Variants in COMP observed in about 807,000 individuals in gnomAD.
COMP encodes the protein cartilage oligomeric matrix protein (pseudoachondroplasia, epiphyseal dysplasia 1, multiple).
COMP carries 79 observed loss-of-function variants against 95.8 expected under a neutral mutation model. The observed-to-expected ratio is 0.82, with a 90% CI of 0.69 to 0.99. The LOEUF (loss-of-function observed/expected upper bound fraction) is 0.99. COMP is among the 50% of genes least tolerant of loss of function. COMP has a pLI of 0.00. For synonymous variants in COMP, 438 were observed against 433.9 expected, an observed-to-expected ratio of 1.01 and a Z score of -0.12; for missense variants, 906 against 1,076.1, an observed-to-expected ratio of 0.84 and a Z score of 2.21.
Position 18,789,619 on chromosome 19 carries a change from G to T in COMP, c.391-322C>A, listed in dbSNP as rs1229395848. 6.6e-6 allele frequency among the ~76,000 whole-genome samples: 1 copy of T among 151,868 alleles called. No individual in the cohort carries two copies. The highest frequency in any genetic ancestry group is 1.5e-5 in the Non-Finnish European group (1 of 67,954). On this transcript the variant is annotated intron_variant, in intron 4 of 18. Coordinates refer to ENST00000222271, the MANE Select transcript of COMP (RefSeq NM_000095.3). The surrounding 1 kb of genome is among the most constrained non-coding windows in gnomAD (Gnocchi z 6.1). ...GGGTCTGGGCGTGCGTTCCCTGGCT[G>T]TGGAAGGGTCGTTGGGACTGGCGAT...
intron 10 of COMP, chr19:18,786,882 C>T (rs958720764): frequency 4.5e-6 from 2 of 443,516 alleles, no homozygotes; most frequent in South Asian, 2.2e-5. Flanking sequence ...AAATGATTCT[C>T]CTGCCTCAGC....
chr19:18,791,036 C>T (rs1254368496), intron 1 of COMP, 101 bp from the exon 2 acceptor site: 5 of 1,512,518 alleles, frequency 3.3e-6, no homozygotes, highest in Non-Finnish European at 4.5e-6. Context: ...CCCCACTGCG[C>T]TCCTCTAGTC....
Position 18,788,916 on chromosome 19 carries a change from AGGGGAGGGGAACTCAGAGGTCACC to A in COMP, c.529-27_529-4del. The A allele has an allele frequency of 6.2e-7, 1 of 1,613,224 alleles. No homozygotes were observed. The highest frequency in any genetic ancestry group is 8.5e-7 in the Non-Finnish European group (1 of 1,179,830). On this transcript the variant is annotated splice_polypyrimidine_tract_variant and splice_region_variant and intron_variant, in intron 5 of 18. Transcript: ENST00000222271. The surrounding 1 kb of genome is among the most constrained non-coding windows in gnomAD (Gnocchi z 4.7). ...CACTCGTTGATGTCCGTGCAAACCT[AGGGGAGGGGAACTCAGAGGTCACC>A]ACCCCACGCAGACACCTCCGGACCT...
chr19:18,787,870 CTTTCTT>C (rs1486588297), intron 9 of COMP, among the ~76,000 whole-genome samples: 5 of 53,010 alleles, frequency 9.4e-5, no homozygotes, highest in South Asian at 5.4e-4. Context: ...TTTTCTCTTT[CTTTCTT>C]TCTTTCTTTC....
rs769531188 is a variant in COMP at position 18,788,529 on chromosome 19, A to G, written c.763-15T>C. 12 of 1,582,762 alleles carry G rather than the reference A, an allele frequency of 7.6e-6. No individual in the cohort carries two copies. The African/African-American group carries it at 1.2e-4, about 16-fold the overall frequency. On this transcript the variant is annotated splice_polypyrimidine_tract_variant and intron_variant, in intron 7 of 18. Transcript: ENST00000222271. This position sits in a 1 kb window ranked among gnomAD's most constrained non-coding sequence, Gnocchi z 4.7. ...CCAACGGCACACTGTGGGAGAGTGT[A>G]AGTGGGTGCCCTGGAGTGGCCGCCA...
chr19:18,783,926 T>A (rs1263909752), intron 17 of COMP, among the ~76,000 whole-genome samples: 3 of 152,148 alleles, frequency 2.0e-5, no homozygotes, highest in Admixed American at 2.0e-4. Context: ...TTTTCTTTTT[T>A]GTAGAGACAG....
In COMP at chr19:18,786,641, T is replaced by C. The variant is rs1302153078; in HGVS notation, c.1145A>G (p.Asn382Ser). 17 of 1,613,716 alleles carry C rather than the reference T, an allele frequency of 1.1e-5. No individual in the cohort carries two copies. Among genetic ancestry groups the C allele is most frequent in the African/African-American group, 2.7e-5 (2 of 74,882 alleles). Residue 382 changes from asparagine (N) to serine (S), a missense_variant, in exon 11 of 19, where the codon AAC becomes AGC. Asn to Ser is a conservative substitution (Grantham distance 46, BLOSUM62 1). Coordinates refer to ENST00000222271, the MANE Select transcript of COMP (RefSeq NM_000095.3). ...TACCCTAGGGCAGTTGTCGGCCTGG[T>C]TGCGGATCCCTGCAGAAATCCACGG... is the stretch of plus-strand genomic sequence containing the variant. ...DDDIDGDRIR[N>S]QADNCPRVPN...
chr19:18,785,173 C>A (rs2055155846), intron 15 of COMP, 81 bp from the exon 16 acceptor site: 1 of 1,359,280 alleles, frequency 7.4e-7, no homozygotes, highest in South Asian at 1.2e-5. Context: ...CCAAACCTGC[C>A]CCCTGGGTCC....
At position 18,788,955 on chromosome 19, in the gene COMP, C is replaced by A; in HGVS notation, c.529-42G>T. On this transcript the variant is annotated intron_variant, in intron 5 of 18. Coordinates refer to ENST00000222271, the MANE Select transcript of COMP (RefSeq NM_000095.3). This position sits in a 1 kb window ranked among gnomAD's most constrained non-coding sequence, Gnocchi z 4.7. ...CAGAGGTCACCACCCCACGCAGACA[C>A]CTCCGGACCTCCCACCTCCTCCACA... The A allele has an allele frequency of 2.5e-6, 4 of 1,599,914 alleles. No homozygotes were observed. The highest frequency in any genetic ancestry group is 2.2e-5 in the East Asian group (1 of 44,732).
At chr19:18,787,281 C>T (rs2055174164) in intron 10 of COMP, among the ~76,000 whole-genome samples, 2 of 152,238 alleles carry the variant, frequency 1.3e-5, no homozygotes, top group African/African-American at 4.8e-5. Flanking sequence ...ACACAGGGAC[C>T]ACCTTCCCTT....
Position 18,787,594 on chromosome 19 carries a change from C to T in COMP, c.1032G>A (p.Trp344Ter), listed in dbSNP as rs1186145382. Reference protein sequence around the residue: ...PDQRNTDEDKWGDACDNCRSQ... With the variant: ...PDQRNTDEDK ...ACCGGCAGTTGTCGCACGCATCGCCCCACTTGTCCTCGTCCGTGTTGCGCT... is the reference window on the plus strand; with the variant it reads ...ACCGGCAGTTGTCGCACGCATCGCCTCACTTGTCCTCGTCCGTGTTGCGCT... Residue 344 changes from tryptophan (W) to a stop codon, truncating the protein, a stop_gained, in exon 10 of 19, where the codon TGG becomes TGA. Transcript: ENST00000222271. LOFTEE classifies it high-confidence loss of function. 2.5e-5 allele frequency: 40 copies of T among 1,614,008 alleles called. No individual in the cohort carries two copies. Among genetic ancestry groups the T allele is most frequent in the Non-Finnish European group, 3.3e-5 (39 of 1,180,054 alleles).
rs1021089712 is a variant in COMP at position 18,789,789 on chromosome 19, C to T, written c.390+153G>A. The stretch of plus-strand genomic sequence containing the variant: ...ATGGTCCTTGGGTTGGGCGTCCCCC[C>T]GCGGTAAGGAGGTAGTCTGGCCGTG... On this transcript the variant is annotated intron_variant, in intron 4 of 18. Coordinates refer to ENST00000222271, the MANE Select transcript of COMP (RefSeq NM_000095.3). The surrounding 1 kb of genome is among the most constrained non-coding windows in gnomAD (Gnocchi z 6.1). Among the ~76,000 whole-genome samples, 1 of 151,832 alleles carries T rather than the reference C, an allele frequency of 6.6e-6. No homozygotes were observed. The highest frequency in any genetic ancestry group is 6.6e-5 in the Admixed American group (1 of 15,248).
chr19:18,785,895 C>T, intron 13 of COMP, 44 bp from the exon 14 acceptor site: 1 of 1,606,350 alleles, frequency 6.2e-7, no homozygotes, highest in Non-Finnish European at 8.5e-7. Context: ...TCAGGGCCCG[C>T]CCACCGTAGA....
Position 18,784,151 on chromosome 19 carries a change from T to C in COMP, c.2087+40A>G. 1 of 1,608,852 alleles carries C rather than the reference T, an allele frequency of 6.2e-7. No homozygotes were observed. Among genetic ancestry groups the C allele is most frequent in the Non-Finnish European group, 8.5e-7 (1 of 1,176,928 alleles). On this transcript the variant is annotated intron_variant, in intron 17 of 18. Transcript: ENST00000222271. This position sits in a 1 kb window ranked among gnomAD's most constrained non-coding sequence, Gnocchi z 4.9. ...CAGGGCACTCCCACCTGGGCCTGTG[T>C]GTCCCCAGCCCAGCCCACCACAGAG...
chr19:18,783,917 T>C (rs2055145331), intron 17 of COMP, among the ~76,000 whole-genome samples: 1 of 152,132 alleles, frequency 6.6e-6, no homozygotes, highest in Non-Finnish European at 1.5e-5. Context: ...GCCTAATTTT[T>C]TTCTTTTTTG....
chr19:18,786,389 A>G (rs2055167552), intron 11 of COMP, 98 bp from the exon 12 acceptor site: 2 of 1,575,148 alleles, frequency 1.3e-6, no homozygotes, highest in Non-Finnish European at 1.7e-6. Context: ...CCTGACCCCA[A>G]GGAAACCCCC....
Position 18,786,100 on chromosome 19 carries a change from G to A in COMP, c.1354C>T (p.Pro452Ser), listed in dbSNP as rs1277321475. The A allele has an allele frequency of 4.3e-6, 7 of 1,614,164 alleles. No individual in the cohort carries two copies. The highest frequency in any genetic ancestry group is 5.1e-6 in the Non-Finnish European group (6 of 1,180,048). Reference sequence around the variant, plus strand: ...TCTGAGTCCTCCTGGGCACTGTTAGGCACCGTGGGACAGTTGTCCCGAGAG... The same window carrying A: ...TCTGAGTCCTCCTGGGCACTGTTAGACACCGTGGGACAGTTGTCCCGAGAG... ...QDSRDNCPTV[P>S]NSAQEDSDHD... Residue 452 changes from proline to serine, a missense_variant, in exon 13 of 19, where the codon CCT (proline) becomes TCT (serine). Pro to Ser is a moderately conservative substitution (Grantham distance 74, BLOSUM62 -1). Coordinates refer to ENST00000222271, the MANE Select transcript of COMP (RefSeq NM_000095.3).
intron 14 of COMP, 44 bp from the exon 15 acceptor site, chr19:18,785,590 G>T: frequency 6.2e-7 from 1 of 1,613,836 alleles, no homozygotes; most frequent in Non-Finnish European, 8.5e-7. Context: ...GGCCGTGACA[G>T]CCCTAGGCAC....
In COMP at chr19:18,787,866, C is replaced by CTTTTTCTTTTTCTT. The variant is rs1568555757; in HGVS notation, c.976-217_976-216insAAGAAAAAGAAAAA. ...TTTTCTTTTTTCTTTTTCTTTTTCTCTTTCTTTCTTTCTTTCTTTCTTTCT... is the reference window on the plus strand; with the variant it reads ...TTTTCTTTTTTCTTTTTCTTTTTCTCTTTTTCTTTTTCTTTTTCTTTCTTTCTTTCTTTCTTTCT... On this transcript the variant is annotated intron_variant, in intron 9 of 18. Coordinates refer to ENST00000222271, the MANE Select transcript of COMP (RefSeq NM_000095.3). Among the ~76,000 whole-genome samples the CTTTTTCTTTTTCTT allele has an allele frequency of 3.1e-5, 3 of 96,948 alleles. No homozygotes were observed. In the South Asian group the frequency reaches 8.8e-4, roughly 28 times the overall value. 63.6% of individuals were successfully genotyped at this position (96,948 alleles called of 152,430 possible). A position where few individuals can be genotyped will look rare whatever the true frequency, so the allele number is the denominator to read the frequency against.
Sources: allele counts gnomAD v4.1 joint callset (sites outside exome capture counted in the v4.1 genomes callset), GRCh38; gene constraint gnomAD v4.1.1; non-coding constraint Gnocchi (gnomAD v3.1); transcripts MANE v1.5; gene names NCBI Gene and HGNC (gene_info 2026-07-23, HGNC 2026-07-21).